The following GPR141 variants were observed in gnomAD, a reference collection of about 807,000 sequenced individuals.
The protein encoded by GPR141 is probable G protein-coupled receptor 141.
In GPR141, 6 loss-of-function variants were observed where a neutral mutation model predicts 6.8. The observed-to-expected ratio is 0.88, with a 90% CI of 0.48 to 1.74. The LOEUF (loss-of-function observed/expected upper bound fraction) is 1.74, where lower values mean the gene tolerates loss of function less well. Ranked by LOEUF, GPR141 falls within the 40% of genes most tolerant of loss-of-function variation. The probability of loss-of-function intolerance (pLI) is 0.01; values close to 1 mark genes in which losing one functional copy is unlikely to be tolerated. For missense variants in GPR141, 372 were observed against 372.9 expected (o/e 1.00, Z 0.02); for synonymous variants, 140 against 142.3 (o/e 0.98, Z 0.11).
intron 2 of GPR141, among the ~76,000 whole-genome samples, chr7:37,718,693 G>A (rs1289182213): frequency 6.6e-6 from 1 of 152,176 alleles, no homozygotes; most frequent in Non-Finnish European, 1.5e-5. Flanking sequence ...GCCACTGGTT[G>A]GCAAAGGAAA....
chr7:37,740,949 G>T lies in GPR141; in HGVS notation c.556G>T (p.Val186Phe), dbSNP rs763255565. The T allele has an allele frequency of 5.0e-6, 8 of 1,613,882 alleles. No individual in the cohort carries two copies. The South Asian group carries it at 8.8e-5, about 18-fold the overall frequency. Residue 186 changes from valine to phenylalanine, a missense_variant, in exon 3 of 3, where the codon GTC becomes TTC. Coordinates refer to ENST00000334425, the MANE Select transcript of GPR141 (RefSeq NM_001381946.1). Reference protein sequence around the residue: ...TYVKIINYMIVIFVIAVAVIL... With the variant: ...TYVKIINYMIFIFVIAVAVIL... ...TGTGAAAATCATCAACTATATGATA[G>T]TCATTTTTGTCATAGCCGTTGCTGT...
In GPR141 at chr7:37,740,608, G is replaced by A. The variant is rs772202718; in HGVS notation, c.215G>A (p.Arg72His). 3.6e-5 allele frequency: 58 copies of A among 1,613,924 alleles called. No homozygotes were observed. The highest frequency in any genetic ancestry group is 3.3e-4 in the Middle Eastern group (2 of 6,084). The change falls in exon 3 of 3, where the codon CGC (arginine) becomes CAC (histidine). Residue 72 changes from arginine to histidine, a missense_variant. Transcript: ENST00000334425. Reference sequence around the variant, plus strand: ...GTTTTTCTGCTGACAGTGCCATTTCGCTTGACCTACCTCATCAAGAAGACT... The same window carrying A: ...GTTTTTCTGCTGACAGTGCCATTTCACTTGACCTACCTCATCAAGAAGACT... ...HSVFLLTVPF[R>H]LTYLIKKTWM...
intron 2 of GPR141, among the ~76,000 whole-genome samples, chr7:37,714,565 T>C (rs1810959861): frequency 6.6e-6 from 1 of 152,232 alleles, no homozygotes; most frequent in African/African-American, 2.4e-5. Flanking sequence ...AGTGGTCGTT[T>C]ACCTAACTTC....
At chr7:37,701,605 CCTG>C (rs1810280079) in intron 2 of GPR141, among the ~76,000 whole-genome samples, 1 of 152,122 alleles carries the variant, frequency 6.6e-6, no homozygotes, top group Non-Finnish European at 1.5e-5. Flanking sequence ...TTGTTGTTTG[CCTG>C]AATTTCAAAT....
intron 2 of GPR141, among the ~76,000 whole-genome samples, chr7:37,721,460 G>C (rs1315614901): frequency 6.6e-6 from 1 of 152,104 alleles, no homozygotes; most frequent in Non-Finnish European, 1.5e-5. Flanking sequence ...ACAGAGTAAG[G>C]GTTATCTTGG....
At chr7:37,708,267 C>CT (rs36060400) in intron 2 of GPR141, among the ~76,000 whole-genome samples, 143,044 of 143,044 alleles carry the variant, frequency 1, 71,522 homozygotes, top group Non-Finnish European at 1. Context: ...CATTTCTAGT[C>CT]TTGCCAGCAT....
intron 1 of GPR141, among the ~76,000 whole-genome samples, chr7:37,684,141 T>A (rs966128307): frequency 7.2e-5 from 11 of 152,318 alleles, no homozygotes; most frequent in Middle Eastern, 3.4e-3. Context: ...TGAACAAAAA[T>A]GATTTCAGAA....
Position 37,740,989 on chromosome 7 carries a change from TC to T in GPR141, c.598del (p.Gln200ArgfsTer7). The T allele has an allele frequency of 6.2e-7, 1 of 1,614,062 alleles. No homozygotes were observed. On this transcript the variant is annotated frameshift_variant, in exon 3 of 3. Coordinates refer to ENST00000334425, the MANE Select transcript of GPR141 (RefSeq NM_001381946.1). LOFTEE classifies it low-confidence loss of function (END_TRUNC). ...GCCGTTGCTGTGATTCTGTTGGTCTTCCAGGTCTTCATCATTATGTTGATGG... is the reference window on the plus strand; with the variant it reads ...GCCGTTGCTGTGATTCTGTTGGTCTTCAGGTCTTCATCATTATGTTGATGG... ...VIAVAVILLV[F>X]QVFIIMLMVQ...
intron 2 of GPR141, among the ~76,000 whole-genome samples, 157 bp downstream of exon 2, chr7:37,685,740 T>A (rs1809477191): frequency 6.7e-6 from 1 of 148,680 alleles, no homozygotes; most frequent in Non-Finnish European, 1.5e-5. Flanking sequence ...TGAGCCACTG[T>A]GCCTGGCAGC....
chr7:37,711,502 G>C (rs1810793262), intron 2 of GPR141, among the ~76,000 whole-genome samples: 1 of 152,218 alleles, frequency 6.6e-6, no homozygotes, highest in Non-Finnish European at 1.5e-5. Context: ...GTGACAGATA[G>C]AGAAGACTCA....
chr7:37,721,103 G>A (rs1375831317), intron 2 of GPR141, among the ~76,000 whole-genome samples: 1 of 151,358 alleles, frequency 6.6e-6, no homozygotes, highest in South Asian at 2.1e-4. Flanking sequence ...ATAGGAAAGG[G>A]ACTTCTGTGT....
chr7:37,738,832 A>G (rs1422604720), intron 2 of GPR141, among the ~76,000 whole-genome samples: 1 of 152,088 alleles, frequency 6.6e-6, no homozygotes, highest in African/African-American at 2.4e-5. Context: ...TTTTTGTCAC[A>G]TTAGTTTTGC....
chr7:37,720,046 C>T (rs1811243137), intron 2 of GPR141, among the ~76,000 whole-genome samples: 1 of 152,068 alleles, frequency 6.6e-6, no homozygotes, highest in South Asian at 2.1e-4. Context: ...GGTTACTGGT[C>T]AAAGAGGAAC....
chr7:37,694,497 G>A (rs542330579), intron 2 of GPR141, among the ~76,000 whole-genome samples: 3 of 152,364 alleles, frequency 2.0e-5, no homozygotes, highest in African/African-American at 7.2e-5. Flanking sequence ...CTGAAGAACT[G>A]TTTTCCTAGC....
At chr7:37,731,601 G>A (rs915285609) in intron 2 of GPR141, among the ~76,000 whole-genome samples, 4 of 151,348 alleles carry the variant, frequency 2.6e-5, no homozygotes, top group African/African-American at 9.7e-5. Context: ...CCGCCACAAC[G>A]CCCGGCTAAT....
chr7:37,708,225 A>G (rs1810614494), intron 2 of GPR141, among the ~76,000 whole-genome samples: 1 of 119,804 alleles, frequency 8.3e-6, no homozygotes. Context: ...TAATCTAGTC[A>G]TTGAGCTCAG....
At chr7:37,730,935 C>T (rs535119475) in intron 2 of GPR141, among the ~76,000 whole-genome samples, 1 of 152,266 alleles carries the variant, frequency 6.6e-6, no homozygotes, top group South Asian at 2.1e-4. Context: ...CTCGAAATTT[C>T]CTTCATTCTT....
chr7:37,742,554 T>C lies in GPR141; in HGVS notation c.*1243T>C, dbSNP rs1203128613. On this transcript the variant is annotated 3_prime_UTR_variant, in exon 3 of 3. Transcript: ENST00000334425. The stretch of plus-strand genomic sequence containing the variant: ...AATGATGGTTTCCAGGTTAAAATTA[T>C]ATATTTTTAAATAAATGAAAACTGT... 6.6e-6 allele frequency among the ~76,000 whole-genome samples: 1 copy of C among 152,140 alleles called. No homozygotes were observed. Among genetic ancestry groups the C allele is most frequent in the East Asian group, 1.9e-4 (1 of 5,202 alleles).
intron 2 of GPR141, among the ~76,000 whole-genome samples, chr7:37,706,893 T>C (rs1810549534): frequency 6.6e-6 from 1 of 152,106 alleles, no homozygotes; most frequent in Non-Finnish European, 1.5e-5. Context: ...CAAAGGAAAA[T>C]AAGAACTGCC....
Sources: gnomAD v4.1 joint callset for allele counts (sites outside exome capture counted in the v4.1 genomes callset) on GRCh38, gnomAD v4.1.1 for gene constraint, MANE v1.5 for transcripts, NCBI Gene and HGNC (gene_info 2026-07-23, HGNC 2026-07-21) for gene names.